DTNA: variants seen among roughly 807,000 people sequenced by gnomAD.
DTNA encodes the protein dystrobrevin alpha, also known as dystrophin-related protein 3.
Under a neutral mutation model 100.7 loss-of-function variants are expected in DTNA, and 43 were observed. That is an observed-to-expected ratio of 0.43 (90% CI 0.33 to 0.55). The LOEUF (loss-of-function observed/expected upper bound fraction) is 0.55. Among genes scored for constraint, DTNA ranks in the 20% least tolerant of loss-of-function variants. The pLI, the probability that DTNA is intolerant of heterozygous loss-of-function variation, is 0.04. For missense variants in DTNA, 798 were observed against 953.9 expected, an observed-to-expected ratio of 0.84 and a Z score of 2.15; for synonymous variants, 349 against 347.9, an observed-to-expected ratio of 1.00 and a Z score of -0.04.
intron 1 of DTNA, among the ~76,000 whole-genome samples, chr18:34,525,283 A>G (rs754964472): frequency 1.3e-5 from 2 of 152,096 alleles, no homozygotes; most frequent in Non-Finnish European, 2.9e-5. Context: ...CTCCAAAATC[A>G]GGGGAAAATA....
chr18:34,816,122 G>A, intron 7 of DTNA, 108 bp downstream of exon 7: 1 of 1,138,326 alleles, frequency 8.8e-7, no homozygotes, highest in South Asian at 1.2e-5. Flanking sequence ...CCTATTTAGT[G>A]GCTCTTAGTT....
At chr18:34,778,403 A>G (rs1302596818) in intron 3 of DTNA, among the ~76,000 whole-genome samples, 1 of 152,170 alleles carries the variant, frequency 6.6e-6, no homozygotes, top group Non-Finnish European at 1.5e-5. Flanking sequence ...AGCATATTTT[A>G]TCTTTTTCTA....
intron 1 of DTNA, among the ~76,000 whole-genome samples, chr18:34,631,225 T>G (rs2058044135): frequency 6.6e-6 from 1 of 152,216 alleles, no homozygotes; most frequent in Non-Finnish European, 1.5e-5. Flanking sequence ...ACCAAATTAC[T>G]TAAGCACTCT....
In DTNA at chr18:34,824,932, TAAAA is replaced by T. The variant is rs35456039; in HGVS notation, c.1002-2643_1002-2640del. Among the ~76,000 whole-genome samples the T allele has an allele frequency of 2.4e-3, 231 of 96,860 alleles. 3 individuals carry two copies. The highest frequency in any genetic ancestry group is 8.2e-3 in the African/African-American group (222 of 26,978). 63.5% of individuals were successfully genotyped at this position (96,860 alleles called of 152,430 possible). On this transcript the variant is annotated intron_variant, in intron 9 of 22. Transcript: ENST00000444659. ...ATTTTACAGGTAGCCTTAGATACAG[TAAAA>T]AAAAAAAAAAAAAAAAATTAAATCA...
intron 1 of DTNA, among the ~76,000 whole-genome samples, chr18:34,626,351 G>A (rs555645028): frequency 9.2e-5 from 14 of 151,912 alleles, no homozygotes; most frequent in Non-Finnish European, 1.2e-4. Context: ...AACAATGTCA[G>A]AGAAACCAAA....
At chr18:34,493,727 G>A (rs1317919319) in intron 1 of DTNA, among the ~76,000 whole-genome samples, 1 of 149,076 alleles carries the variant, frequency 6.7e-6, no homozygotes, top group East Asian at 2.0e-4. Context: ...CGGCGCCGGG[G>A]CGCGGACACA....
intron 1 of DTNA, among the ~76,000 whole-genome samples, chr18:34,623,293 A>G (rs902300508): frequency 3.3e-5 from 5 of 152,226 alleles, no homozygotes; most frequent in Non-Finnish European, 7.3e-5. Context: ...GAAGACTTTT[A>G]TTTTGGTTAC....
intron 1 of DTNA, among the ~76,000 whole-genome samples, chr18:34,685,442 T>C (rs940043574): frequency 3.9e-5 from 6 of 152,164 alleles, no homozygotes; most frequent in Non-Finnish European, 5.9e-5. Flanking sequence ...AAAGATCAGA[T>C]GGTTGTAGAT....
intron 3 of DTNA, among the ~76,000 whole-genome samples, chr18:34,781,401 T>A (rs1207152834): frequency 6.6e-6 from 1 of 152,222 alleles, no homozygotes; most frequent in Non-Finnish European, 1.5e-5. Flanking sequence ...ATTAGAGCAT[T>A]TAAAATCTAA....
intron 1 of DTNA, among the ~76,000 whole-genome samples, chr18:34,571,483 G>A (rs1277805644): frequency 2.0e-5 from 3 of 152,058 alleles, no homozygotes; most frequent in Admixed American, 1.3e-4. Flanking sequence ...GCTCACCCCT[G>A]TAATCCCATC....
At chr18:34,653,582 GGAGGCT>G (rs1393491132) in intron 1 of DTNA, among the ~76,000 whole-genome samples, 3 of 152,146 alleles carry the variant, frequency 2.0e-5, no homozygotes, top group Non-Finnish European at 4.4e-5. Context: ...CAGCAGTTTG[GGAGGCT>G]GAGGTGGGCG....
At chr18:34,740,976 G>A (rs1008788356) in intron 1 of DTNA, among the ~76,000 whole-genome samples, 10 of 152,134 alleles carry the variant, frequency 6.6e-5, no homozygotes, top group African/African-American at 1.4e-4. Flanking sequence ...GGAGCATGAT[G>A]TATGTGTGGG....
intron 15 of DTNA, among the ~76,000 whole-genome samples, chr18:34,852,596 T>C (rs1331706731): frequency 6.6e-6 from 1 of 152,196 alleles, no homozygotes; most frequent in Non-Finnish European, 1.5e-5. Flanking sequence ...TAAATCCTAC[T>C]CCTCTTACCA....
chr18:34,515,910 G>T (rs1266527816), intron 1 of DTNA, among the ~76,000 whole-genome samples: 1 of 152,050 alleles, frequency 6.6e-6, no homozygotes, highest in African/African-American at 2.4e-5. Flanking sequence ...GTATCATTTA[G>T]CCCCACCCTT....
Position 34,687,869 on chromosome 18 carries a change from T to G in DTNA, c.-1-68107T>G, listed in dbSNP as rs142413178. Among the ~76,000 whole-genome samples the G allele has an allele frequency of 7.1e-3, 1,076 of 152,346 alleles. 13 individuals carry two copies. Among genetic ancestry groups the G allele is most frequent in the African/African-American group, 0.025 (1,038 of 41,574 alleles). ...AGGATACTTAGCTCTTCTTGTTGCA[T>G]TGATCCCTTTAACATTATGTAATGC... On this transcript the variant is annotated intron_variant, in intron 1 of 19. Transcript: ENST00000283365.
At chr18:34,714,489 A>G (rs1431156157) in intron 1 of DTNA, among the ~76,000 whole-genome samples, 1 of 150,134 alleles carries the variant, frequency 6.7e-6, no homozygotes, top group African/African-American at 2.5e-5. Flanking sequence ...AAAAATGCTC[A>G]CCATCACTGG....
intron 1 of DTNA, among the ~76,000 whole-genome samples, chr18:34,731,091 C>G (rs1451226116): frequency 1.3e-5 from 2 of 152,168 alleles, no homozygotes; most frequent in Non-Finnish European, 2.9e-5. Context: ...AACAAAGGGT[C>G]TTCCAATGGC....
chr18:34,634,666 G>A (rs946968822), intron 1 of DTNA, among the ~76,000 whole-genome samples: 1 of 151,938 alleles, frequency 6.6e-6, no homozygotes, highest in Non-Finnish European at 1.5e-5. Flanking sequence ...CTTTTATATA[G>A]CACCTAAACT....
chr18:34,518,544 T>G (rs556466433), intron 1 of DTNA, among the ~76,000 whole-genome samples: 320 of 152,168 alleles, frequency 2.1e-3, no homozygotes, highest in Admixed American at 4.0e-3. Flanking sequence ...TCCTAAAAGT[T>G]TCATTATTTT....
Sources: gnomAD v4.1 joint callset for allele counts (sites outside exome capture counted in the v4.1 genomes callset) on GRCh38, gnomAD v4.1.1 for gene constraint, MANE v1.5 for transcripts, NCBI Gene and HGNC (gene_info 2026-07-23, HGNC 2026-07-21) for gene names.